The following ANKRD36C variants were observed in gnomAD, a reference collection of about 807,000 sequenced individuals.
ANKRD36C encodes the protein ankyrin repeat domain-containing protein 36C.
In ANKRD36C, 61 loss-of-function variants were observed where a neutral mutation model predicts 276.4. The ratio of observed to expected loss-of-function variants is 0.22; its 90% CI spans 0.18 to 0.27. The LOEUF is 0.27. Among genes scored for constraint, ANKRD36C ranks in the 10% least tolerant of loss-of-function variants. ANKRD36C has a pLI of 1.00. For missense variants in ANKRD36C, 1,447 were observed against 2,032.3 expected, an observed-to-expected ratio of 0.71 and a Z score of 5.54; for synonymous variants, 483 against 680.1, an observed-to-expected ratio of 0.71 and a Z score of 4.51.
intron 57 of ANKRD36C, 39 bp from the exon 78 acceptor site, chr2:95,880,538 T>C (rs571069909): frequency 6.5e-7 from 1 of 1,534,160 alleles, no homozygotes; most frequent in Admixed American, 2.0e-5. Context: ...GCACATGATG[T>C]ATATTGGTAT....
In ANKRD36C at chr2:95,914,116, GT is replaced by G. The variant is rs1401072818; in HGVS notation, c.2542del (p.Thr848LeufsTer12). On this transcript the variant is annotated frameshift_variant, in exon 40 of 67. Coordinates refer to ENST00000456556, the Ensembl canonical transcript of ANKRD36C. LOFTEE classifies it high-confidence loss of function. ...TCTCTTTTCAAAATTACCTCTCCTA[GT>G]TTTTTCTCCATCCTCTTTTCCTCTG... is the stretch of plus-strand genomic sequence containing the variant. The G allele has an allele frequency of 1.9e-6, 3 of 1,568,488 alleles. No individual in the cohort carries two copies. Among genetic ancestry groups the G allele is most frequent in the African/African-American group, 2.7e-5 (2 of 73,728 alleles).
At chr2:95,952,048 A>G (rs1249327890) in intron 14 of ANKRD36C, among the ~76,000 whole-genome samples, 12 of 150,636 alleles carry the variant, frequency 8.0e-5, no homozygotes, top group African/African-American at 3.0e-4. Context: ...AGCTGTAACT[A>G]AGTATCCTGA....
chr2:95,938,960 G>A (rs1352727607), intron 21 of ANKRD36C, 27 bp downstream of exon 21: 1 of 1,535,878 alleles, frequency 6.5e-7, no homozygotes. Flanking sequence ...AGAGCATTTT[G>A]TTAATAATTA....
chr2:95,991,529 C>T (rs1558667397), exon 1 of ANKRD36C: 3 of 1,606,718 alleles, frequency 1.9e-6, no homozygotes, highest in Non-Finnish European at 8.5e-7. Context: ...TCCTGTCTCT[C>T]TTATTGATGT....
intron 17 of ANKRD36C, among the ~76,000 whole-genome samples, chr2:95,946,921 G>A (rs1370270999): frequency 6.6e-6 from 1 of 151,842 alleles, no homozygotes; most frequent in African/African-American, 2.4e-5. Flanking sequence ...GGTGGGGGTA[G>A]GGGGGAGGGA....
Position 95,910,528 on chromosome 2 carries a change from G to A in ANKRD36C, c.2653+1716C>T. The A allele has an allele frequency of 6.2e-7, 1 of 1,606,466 alleles. No homozygotes were observed. The highest frequency in any genetic ancestry group is 8.5e-7 in the Non-Finnish European group (1 of 1,176,718). On this transcript the variant is annotated intron_variant, in intron 42 of 66. Transcript: ENST00000456556. ...ATTAACTCGTTCACAATATAAATGA[G>A]AGTTTCATTACCTTCAAGGCTGGTG...
chr2:95,868,466 G>A (rs2696722), intron 59 of ANKRD36C, among the ~76,000 whole-genome samples: 1 of 152,032 alleles, frequency 6.6e-6, no homozygotes, highest in East Asian at 1.9e-4. Flanking sequence ...TTCATCCATA[G>A]CTACTTCTGG....
In ANKRD36C at chr2:95,882,286, T is replaced by C; in HGVS notation, c.3367+16A>G. The C allele has an allele frequency of 6.5e-7, 1 of 1,548,816 alleles. No homozygotes were observed. The highest frequency in any genetic ancestry group is 1.2e-5 in the South Asian group (1 of 83,950). ...TCTTGAGTGCACATGACATTAAATG[T>C]ATATTGCTAAATTACCTGTTCCAGA... On this transcript the variant is annotated intron_variant, in intron 56 of 66. Transcript: ENST00000456556.
chr2:95,923,506 T>C (rs777050199), exon 32 of ANKRD36C: 2 of 1,610,952 alleles, frequency 1.2e-6, no homozygotes, highest in South Asian at 1.1e-5. Flanking sequence ...TGTCCCACAT[T>C]GTAGTCCATC....
intron 8 of ANKRD36C, 37 bp downstream of exon 8, chr2:95,962,315 T>C: frequency 1.9e-6 from 3 of 1,541,322 alleles, no homozygotes; most frequent in Non-Finnish European, 2.6e-6. Context: ...CCTTCTATCC[T>C]GAGTGAACAT....
At chr2:95,990,436 C>G (rs1209794879) in intron 1 of ANKRD36C, among the ~76,000 whole-genome samples, 1 of 152,122 alleles carries the variant, frequency 6.6e-6, no homozygotes, top group Non-Finnish European at 1.5e-5. Context: ...CTAACCTGTT[C>G]CATTCACTGA....
At chr2:95,982,010 G>A (rs1396018220) in intron 4 of ANKRD36C, among the ~76,000 whole-genome samples, 1 of 152,010 alleles carries the variant, frequency 6.6e-6, no homozygotes, top group Non-Finnish European at 1.5e-5. Context: ...TCTATATATA[G>A]AAGCCTTTTA....
chr2:95,867,170 T>C (rs1675699045), intron 60 of ANKRD36C, among the ~76,000 whole-genome samples: 2 of 152,144 alleles, frequency 1.3e-5, no homozygotes, highest in African/African-American at 2.4e-5. Context: ...AACATGACCA[T>C]GGGTAAAGGG....
At chr2:95,884,425 T>C (rs1333065476) in intron 52 of ANKRD36C, 57 bp from the exon 73 acceptor site, 6 of 1,607,784 alleles carry the variant, frequency 3.7e-6, no homozygotes, top group South Asian at 1.1e-5. Flanking sequence ...AAGTTATTCA[T>C]ACATTCATGC....
intron 44 of ANKRD36C, chr2:95,897,314 A>G: frequency 6.5e-7 from 1 of 1,543,518 alleles, no homozygotes. Flanking sequence ...GGCTATATTC[A>G]AAAGAGAATC....
At chr2:95,915,732 C>T (rs567572977) in intron 38 of ANKRD36C, among the ~76,000 whole-genome samples, 6 of 151,622 alleles carry the variant, frequency 4.0e-5, no homozygotes, top group Admixed American at 6.6e-5. Flanking sequence ...CCCAGAGCCC[C>T]TTATGTCTTC....
intron 10 of ANKRD36C, among the ~76,000 whole-genome samples, chr2:95,959,057 G>A (rs1483333809): frequency 1.3e-5 from 2 of 152,162 alleles, no homozygotes; most frequent in Non-Finnish European, 2.9e-5. Context: ...ATATCAATGT[G>A]GATATGCCGA....
At chr2:95,916,917 T>C (rs1677115427) in intron 36 of ANKRD36C, among the ~76,000 whole-genome samples, 1 of 151,660 alleles carries the variant, frequency 6.6e-6, no homozygotes, top group Non-Finnish European at 1.5e-5. Flanking sequence ...GCTACAAGCG[T>C]TAGATATTGA....
At chr2:95,870,678 G>A (rs1046357176) in intron 59 of ANKRD36C, among the ~76,000 whole-genome samples, 3 of 152,204 alleles carry the variant, frequency 2.0e-5, no homozygotes, top group Admixed American at 6.5e-5. Flanking sequence ...TGACTTTGAC[G>A]AGTTGAGAGA....
Sources: allele counts gnomAD v4.1 joint callset (sites outside exome capture counted in the v4.1 genomes callset), GRCh38; gene constraint gnomAD v4.1.1; transcripts MANE v1.5; gene names NCBI Gene and HGNC (gene_info 2026-07-23, HGNC 2026-07-21).